The following PTPRN2 variants were observed in gnomAD, a reference collection of about 807,000 sequenced individuals.
PTPRN2 encodes receptor-type tyrosine-protein phosphatase N2.
In PTPRN2, 74 loss-of-function variants were observed where a neutral mutation model predicts 118.8. The ratio of observed to expected loss-of-function variants is 0.62; its 90% CI spans 0.52 to 0.76. The LOEUF (loss-of-function observed/expected upper bound fraction) is 0.76, where lower values mean the gene tolerates loss of function less well. Among genes scored for constraint, PTPRN2 ranks in the 30% least tolerant of loss-of-function variants. The pLI, the probability that PTPRN2 is intolerant of heterozygous loss-of-function variation, is 0.00. For missense variants in PTPRN2, 1,481 were observed against 1,394.4 expected, an observed-to-expected ratio of 1.06 and a Z score of -0.99; for synonymous variants, 641 against 608.0, an observed-to-expected ratio of 1.05 and a Z score of -0.80.
chr7:157,877,984 G>T (rs535745408), intron 12 of PTPRN2, among the ~76,000 whole-genome samples: 1 of 152,190 alleles, frequency 6.6e-6, no homozygotes, highest in African/African-American at 2.4e-5. Context: ...GGAAAATCCC[G>T]CGTATGTCAG....
intron 14 of PTPRN2, among the ~76,000 whole-genome samples, chr7:157,626,300 C>A (rs1331722418): frequency 6.6e-6 from 1 of 152,166 alleles, no homozygotes; most frequent in Non-Finnish European, 1.5e-5. Flanking sequence ...ACCAAGGGTG[C>A]CTAGACTAGC....
chr7:158,325,684 C>A lies in PTPRN2; in HGVS notation c.164-8752G>T, dbSNP rs374104185. 4.6e-5 allele frequency among the ~76,000 whole-genome samples: 7 copies of A among 152,322 alleles called. 1 individual carries two copies. The South Asian group carries it at 1.4e-3, about 32-fold the overall frequency. On this transcript the variant is annotated intron_variant, in intron 2 of 22. Coordinates refer to ENST00000389418, the MANE Select transcript of PTPRN2 (RefSeq NM_002847.5). ...CTTTGCAGATGAGAGGCGTGGGAGG[C>A]TGTATTCCGACAAGAAGGGCAGGCG...
intron 2 of PTPRN2, among the ~76,000 whole-genome samples, chr7:158,353,259 A>G (rs975361187): frequency 6.6e-6 from 1 of 152,228 alleles, no homozygotes; most frequent in Non-Finnish European, 1.5e-5. Context: ...GTTTTCCTTA[A>G]TAGAAAACAA....
At position 158,587,766 on chromosome 7, in the gene PTPRN2, C is replaced by G. The variant is rs1379161840; in HGVS notation, c.-97G>C. On this transcript the variant is annotated 5_prime_UTR_variant, in exon 1 of 23. Coordinates refer to ENST00000389418, the MANE Select transcript of PTPRN2 (RefSeq NM_002847.5). ...CCAGGGAGGCGCGCGCCGCCGGCTCCTCCCGCCGCGCCTCTCGCGCTCTTG... is the reference window on the plus strand; with the variant it reads ...CCAGGGAGGCGCGCGCCGCCGGCTCGTCCCGCCGCGCCTCTCGCGCTCTTG... The G allele has an allele frequency of 1.9e-6, 2 of 1,030,686 alleles. No homozygotes were observed. Among genetic ancestry groups the G allele is most frequent in the Non-Finnish European group, 2.3e-6 (2 of 860,214 alleles). 63.8% of individuals were successfully genotyped at this position (1,030,686 alleles called of 1,614,324 possible). A position where few individuals can be genotyped will look rare whatever the true frequency, so the allele number is the denominator to read the frequency against.
At chr7:158,337,374 C>A (rs372569201) in intron 2 of PTPRN2, among the ~76,000 whole-genome samples, 451 of 84,284 alleles carry the variant, frequency 5.4e-3, no homozygotes, top group Middle Eastern at 0.012. Flanking sequence ...CACACCCACA[C>A]TCTCACCATA....
chr7:158,521,183 A>T (rs1340878871), intron 1 of PTPRN2, among the ~76,000 whole-genome samples: 2 of 152,026 alleles, frequency 1.3e-5, no homozygotes, highest in African/African-American at 2.4e-5. Context: ...GTTATTTTAT[A>T]TTTTTTTCCC....
chr7:158,558,652 G>C (rs1388986484), intron 1 of PTPRN2, among the ~76,000 whole-genome samples: 1 of 151,540 alleles, frequency 6.6e-6, no homozygotes, highest in Non-Finnish European at 1.5e-5. Context: ...AAGGTGAGCA[G>C]GGAAAGAGTC....
intron 2 of PTPRN2, among the ~76,000 whole-genome samples, chr7:158,342,071 ACT>A (rs1404691051): frequency 3.2e-5 from 4 of 125,916 alleles, no homozygotes; most frequent in African/African-American, 1.3e-4. Flanking sequence ...TCACATCCAC[ACT>A]CTCACCAGAA....
At chr7:158,424,981 C>T (rs1364010078) in intron 2 of PTPRN2, among the ~76,000 whole-genome samples, 2 of 152,182 alleles carry the variant, frequency 1.3e-5, no homozygotes, top group Non-Finnish European at 2.9e-5. Flanking sequence ...CCGGGTGTTT[C>T]GGAGAAGGCA....
chr7:158,270,639 T>C (rs76563467), intron 3 of PTPRN2, among the ~76,000 whole-genome samples: 2,514 of 151,900 alleles, frequency 0.017, 70 homozygotes, highest in African/African-American at 0.057. Context: ...CACTGTTAGC[T>C]GCAGAAGGGC....
intron 6 of PTPRN2, among the ~76,000 whole-genome samples, chr7:158,163,494 G>A (rs911161273): frequency 2.0e-5 from 3 of 148,354 alleles, no homozygotes; most frequent in Non-Finnish European, 3.0e-5. Context: ...ATACCTGTAC[G>A]GGGTTCTCAA....
chr7:157,706,524 G>T (rs1412160125), intron 12 of PTPRN2, among the ~76,000 whole-genome samples: 1 of 152,096 alleles, frequency 6.6e-6, no homozygotes, highest in East Asian at 1.9e-4. Flanking sequence ...TAGAATGCCG[G>T]GAACTGAGCG....
At chr7:158,064,714 G>C (rs779136055) in intron 11 of PTPRN2, among the ~76,000 whole-genome samples, 1 of 152,082 alleles carries the variant, frequency 6.6e-6, no homozygotes, top group Non-Finnish European at 1.5e-5. Flanking sequence ...GCTGACTGGT[G>C]GGGGGGACAT....
chr7:157,748,406 CTGCGGGGTTTCTCGGTAAT>C (rs1233433271), intron 12 of PTPRN2, among the ~76,000 whole-genome samples: 4 of 149,664 alleles, frequency 2.7e-5, no homozygotes, highest in South Asian at 2.1e-4. Flanking sequence ...CGTCCCTGAG[CTGCGGGGTTTCTCGGTAAT>C]TCTGAGGCCT....
chr7:157,798,474 C>T (rs1014224812), intron 12 of PTPRN2, among the ~76,000 whole-genome samples: 4 of 152,046 alleles, frequency 2.6e-5, no homozygotes, highest in African/African-American at 4.8e-5. Flanking sequence ...GCTGTACAGT[C>T]GTTAGCAGTG....
intron 2 of PTPRN2, among the ~76,000 whole-genome samples, chr7:158,413,954 A>G (rs938590249): frequency 2.6e-5 from 4 of 152,132 alleles, no homozygotes; most frequent in African/African-American, 7.2e-5. Flanking sequence ...AGCCTGGTCA[A>G]CATGGAGAAA....
intron 3 of PTPRN2, among the ~76,000 whole-genome samples, chr7:158,274,606 T>G (rs924067232): frequency 4.6e-5 from 7 of 152,074 alleles, no homozygotes; most frequent in Non-Finnish European, 8.8e-5. Flanking sequence ...CGGCCCAGCT[T>G]GTCAGCAGCC....
At chr7:157,910,729 C>T (rs564791080) in intron 11 of PTPRN2, among the ~76,000 whole-genome samples, 29 of 151,236 alleles carry the variant, frequency 1.9e-4, no homozygotes, top group African/African-American at 4.8e-4. Flanking sequence ...TGTGTGCGAG[C>T]GCGCGTGCGC....
At chr7:158,085,971 C>T (rs1262574622) in intron 10 of PTPRN2, among the ~76,000 whole-genome samples, 6 of 152,126 alleles carry the variant, frequency 3.9e-5, no homozygotes, top group East Asian at 3.9e-4. Context: ...ACACACACGA[C>T]GCCCATCCAC....
Sources: gnomAD v4.1 joint callset for allele counts (sites outside exome capture counted in the v4.1 genomes callset) on GRCh38, gnomAD v4.1.1 for gene constraint, MANE v1.5 for transcripts, NCBI Gene and HGNC (gene_info 2026-07-23, HGNC 2026-07-21) for gene names.